The following DNER variants were observed in gnomAD, a reference collection of about 807,000 sequenced individuals.
DNER encodes the protein delta/notch like EGF repeat containing, also known as delta and Notch-like epidermal growth factor-related receptor.
In DNER, 33 loss-of-function variants were observed where a neutral mutation model predicts 78.2. That is an observed-to-expected ratio of 0.42 (90% CI 0.32 to 0.56). The LOEUF (loss-of-function observed/expected upper bound fraction) is 0.56, where lower values mean the gene tolerates loss of function less well. Ranked by LOEUF, DNER falls within the 20% of genes least tolerant of loss-of-function variation. The pLI is 0.11. For synonymous variants in DNER, 417 were observed against 384.8 expected (o/e 1.08, Z -0.98); for missense variants, 918 against 975.3 (o/e 0.94, Z 0.78).
chr2:229,447,531 C>A lies in DNER; in HGVS notation c.1271G>T (p.Gly424Val), dbSNP rs1358926304. Residue 424 changes from glycine (G) to valine (V), a missense_variant, in exon 8 of 13, where the codon GGA (glycine) becomes GTA (valine). Coordinates refer to ENST00000341772, the MANE Select transcript of DNER (RefSeq NM_139072.4). ...FTCQCPEGYF[G>V]SACEEKVDPC... ...GTCCACCTTTTCTTCACAAGCAGAT[C>A]CGAAGTATCCTGTGAAAAAACACAT... is the stretch of plus-strand genomic sequence containing the variant. The A allele has an allele frequency of 6.8e-6, 11 of 1,613,808 alleles. No homozygotes were observed. Among genetic ancestry groups the A allele is most frequent in the African/African-American group, 1.3e-5 (1 of 74,898 alleles).
At chr2:229,524,743 C>T (rs1696172866) in intron 5 of DNER, among the ~76,000 whole-genome samples, 1 of 152,204 alleles carries the variant, frequency 6.6e-6, no homozygotes, top group Admixed American at 6.5e-5. Flanking sequence ...GGAGGAGCTG[C>T]ACCTGCACCT....
rs1574851059 is a variant in DNER, at chr2:229,455,548, T to C, written c.1262-8008A>G. ...CCACAGGGTCATGACCCTGGATGTCTATAAACGGAGATTTCTGGAATTGGG... is the reference window on the plus strand; with the variant it reads ...CCACAGGGTCATGACCCTGGATGTCCATAAACGGAGATTTCTGGAATTGGG... On this transcript the variant is annotated intron_variant, in intron 7 of 12. Coordinates refer to ENST00000341772, the MANE Select transcript of DNER (RefSeq NM_139072.4). Among the ~76,000 whole-genome samples, 5 of 152,212 alleles carry C rather than the reference T, an allele frequency of 3.3e-5. No individual in the cohort carries two copies. The South Asian group carries it at 1.0e-3, about 32-fold the overall frequency.
chr2:229,535,737 G>A (rs770826977), intron 5 of DNER, among the ~76,000 whole-genome samples: 6 of 152,064 alleles, frequency 3.9e-5, no homozygotes, highest in Admixed American at 1.3e-4. Context: ...TTCGCCTCCC[G>A]GGTTCCAGCG....
intron 10 of DNER, among the ~76,000 whole-genome samples, chr2:229,406,640 T>C (rs899495664): frequency 2.0e-5 from 3 of 152,214 alleles, no homozygotes; most frequent in Non-Finnish European, 4.4e-5. Flanking sequence ...CACATCTGTT[T>C]TTGAGATTCA....
At chr2:229,416,526 G>C (rs558376964) in intron 9 of DNER, among the ~76,000 whole-genome samples, 2 of 152,134 alleles carry the variant, frequency 1.3e-5, no homozygotes, top group African/African-American at 4.8e-5. Flanking sequence ...ACAAAAAATG[G>C]GGGGGCCAGC....
At chr2:229,394,840 G>A (rs2106338980) in intron 10 of DNER, among the ~76,000 whole-genome samples, 1 of 152,320 alleles carries the variant, frequency 6.6e-6, no homozygotes, top group Admixed American at 6.5e-5. Flanking sequence ...ACATACATCT[G>A]TATTGTTTTA....
At chr2:229,544,547 T>A (rs1696581394) in intron 5 of DNER, among the ~76,000 whole-genome samples, 1 of 151,830 alleles carries the variant, frequency 6.6e-6, no homozygotes, top group Non-Finnish European at 1.5e-5. Flanking sequence ...TTATTTATTT[T>A]TTGAGATAGA....
chr2:229,517,177 A>G (rs1305730713), intron 5 of DNER, among the ~76,000 whole-genome samples: 1 of 152,018 alleles, frequency 6.6e-6, no homozygotes, highest in African/African-American at 2.4e-5. Flanking sequence ...AAAATCACAC[A>G]TGCATTCACT....
chr2:229,446,120 G>A (rs1694334832), intron 8 of DNER, among the ~76,000 whole-genome samples: 2 of 152,158 alleles, frequency 1.3e-5, no homozygotes, highest in African/African-American at 2.4e-5. Flanking sequence ...GTAGCCACAG[G>A]CACATGACTG....
intron 11 of DNER, among the ~76,000 whole-genome samples, chr2:229,387,897 T>A (rs1692931101): frequency 6.8e-6 from 1 of 146,622 alleles, no homozygotes; most frequent in Non-Finnish European, 1.5e-5. Flanking sequence ...GTGTGTTTTT[T>A]AATTTTCAAC....
At chr2:229,586,756 C>T in intron 3 of DNER, 2 of 985,834 alleles carry the variant, frequency 2.0e-6, no homozygotes, top group Non-Finnish European at 2.4e-6. Flanking sequence ...ATTACCTCTT[C>T]CCAGAGACTC....
chr2:229,457,380 G>A (rs1290564139), intron 7 of DNER, among the ~76,000 whole-genome samples: 4 of 151,964 alleles, frequency 2.6e-5, no homozygotes, highest in East Asian at 1.9e-4. Context: ...CAAATAATAA[G>A]GGAAGTTAAT....
chr2:229,631,140 T>C (rs1375911895), intron 1 of DNER, among the ~76,000 whole-genome samples: 2 of 152,234 alleles, frequency 1.3e-5, no homozygotes, highest in African/African-American at 2.4e-5. Context: ...TATTTTCCTT[T>C]GGGTATACAC....
At chr2:229,521,965 T>G (rs1273537588) in intron 5 of DNER, among the ~76,000 whole-genome samples, 1 of 152,192 alleles carries the variant, frequency 6.6e-6, no homozygotes, top group African/African-American at 2.4e-5. Context: ...TCATCATTCT[T>G]AGATATACTA....
Position 229,586,039 on chromosome 2 carries a change from G to A in DNER, c.681-15C>T. On this transcript the variant is annotated splice_polypyrimidine_tract_variant and intron_variant, in intron 3 of 12. Transcript: ENST00000341772. ...CTTGCCGAATCCTGGAAACAGGAAT[G>A]ATGTAAACAGAAAGCTCCTTTCAGA... 1 of 1,589,286 alleles carries A rather than the reference G, an allele frequency of 6.3e-7. No homozygotes were observed. The highest frequency in any genetic ancestry group is 1.9e-5 in the Admixed American group (1 of 53,690).
intron 11 of DNER, among the ~76,000 whole-genome samples, chr2:229,370,203 C>T (rs1692449969): frequency 6.6e-6 from 1 of 152,190 alleles, no homozygotes; most frequent in African/African-American, 2.4e-5. Flanking sequence ...GACACCCAAA[C>T]AGGGGGCCAG....
intron 5 of DNER, among the ~76,000 whole-genome samples, chr2:229,525,456 C>T (rs761133898): frequency 5.3e-5 from 8 of 152,052 alleles, no homozygotes; most frequent in Middle Eastern, 3.2e-3. Context: ...ATAATATACA[C>T]TTAAATCTAA....
chr2:229,523,955 G>A (rs1696151986), intron 5 of DNER, among the ~76,000 whole-genome samples: 1 of 152,174 alleles, frequency 6.6e-6, no homozygotes, highest in Non-Finnish European at 1.5e-5. Flanking sequence ...ATATTTATCA[G>A]GCCTTCAATA....
Position 229,367,033 on chromosome 2 carries a change from C to G in DNER, c.1942G>C (p.Val648Leu). The G allele has an allele frequency of 1.9e-6, 3 of 1,614,012 alleles. No homozygotes were observed. Among genetic ancestry groups the G allele is most frequent in the Non-Finnish European group, 2.5e-6 (3 of 1,179,986 alleles). Reference protein sequence around the residue: ...SLYIIIGALCVAFILMLIILI... With the variant: ...SLYIIIGALCLAFILMLIILI... ...ATGATCAGCATAAGGATGAAGGCCA[C>G]GCAGAGGGCTCCAATGATGATGTAG... Residue 648 changes from valine to leucine, a missense_variant, in exon 12 of 13, where the codon GTG becomes CTG. Val to Leu is a conservative substitution (Grantham distance 32). Coordinates refer to ENST00000341772, the MANE Select transcript of DNER (RefSeq NM_139072.4).
Sources: allele counts gnomAD v4.1 joint callset (sites outside exome capture counted in the v4.1 genomes callset), GRCh38; gene constraint gnomAD v4.1.1; transcripts MANE v1.5; gene names NCBI Gene and HGNC (gene_info 2026-07-23, HGNC 2026-07-21).